PLPPR1: variants seen among roughly 807,000 people sequenced by gnomAD.
PLPPR1 encodes phospholipid phosphatase-related protein type 1.
Under a neutral mutation model 33.1 loss-of-function variants are expected in PLPPR1, and 10 were observed. That is an observed-to-expected ratio of 0.30 (90% CI 0.19 to 0.51). PLPPR1 has a LOEUF of 0.51. Among genes scored for constraint, PLPPR1 ranks in the 20% least tolerant of loss-of-function variants. The pLI, the probability that PLPPR1 is intolerant of heterozygous loss-of-function variation, is 0.97. For missense variants in PLPPR1, 304 were observed against 408.1 expected, an observed-to-expected ratio of 0.74 and a Z score of 2.20; for synonymous variants, 151 against 151.0, an observed-to-expected ratio of 1.00 and a Z score of 0.00.
chr9:101,204,796 G>C (rs1826558770), intron 2 of PLPPR1, among the ~76,000 whole-genome samples: 1 of 152,090 alleles, frequency 6.6e-6, no homozygotes, highest in Non-Finnish European at 1.5e-5. Context: ...AGAACATTTA[G>C]GTATATGAGA....
intron 1 of PLPPR1, among the ~76,000 whole-genome samples, chr9:101,168,084 A>G (rs1030151723): frequency 2.6e-5 from 4 of 152,158 alleles, no homozygotes. Flanking sequence ...ATTACGTCCC[A>G]CCAGATCCCT....
chr9:101,262,701 C>T (rs566991828), intron 2 of PLPPR1, among the ~76,000 whole-genome samples: 91 of 152,132 alleles, frequency 6.0e-4, no homozygotes, highest in African/African-American at 2.0e-3. Context: ...AGATACATGC[C>T]CATGTATGTT....
chr9:101,188,827 A>T (rs1459867627), intron 2 of PLPPR1, among the ~76,000 whole-genome samples: 1 of 152,116 alleles, frequency 6.6e-6, no homozygotes, highest in East Asian at 1.9e-4. Context: ...ACAATCAATG[A>T]CCATTCTTTG....
intron 1 of PLPPR1, among the ~76,000 whole-genome samples, chr9:101,110,292 A>G (rs969637128): frequency 1.4e-4 from 22 of 152,172 alleles, no homozygotes; most frequent in Admixed American, 9.8e-4. Flanking sequence ...AAAATAATAC[A>G]GTTTCTTAGC....
chr9:101,208,351 C>G (rs1254785600), intron 2 of PLPPR1, among the ~76,000 whole-genome samples: 1 of 152,160 alleles, frequency 6.6e-6, no homozygotes, highest in Non-Finnish European at 1.5e-5. Context: ...GTCTCTTGAA[C>G]CTGAGCATTT....
chr9:101,181,634 A>G (rs1052671300), intron 1 of PLPPR1, among the ~76,000 whole-genome samples: 4 of 133,528 alleles, frequency 3.0e-5, no homozygotes, highest in African/African-American at 6.4e-5. Context: ...GTGTGTGTGT[A>G]TGTGTATGTA....
chr9:101,183,004 A>G (rs1344638564), intron 1 of PLPPR1, among the ~76,000 whole-genome samples: 3 of 151,782 alleles, frequency 2.0e-5, no homozygotes, highest in African/African-American at 7.2e-5. Context: ...AATGTCAATG[A>G]CAGTGTGGAG....
At chr9:101,217,644 G>C (rs988924585) in intron 2 of PLPPR1, among the ~76,000 whole-genome samples, 1 of 152,198 alleles carries the variant, frequency 6.6e-6, no homozygotes, top group Non-Finnish European at 1.5e-5. Flanking sequence ...AAATGAATGA[G>C]TGTGGAAGTA....
intron 2 of PLPPR1, among the ~76,000 whole-genome samples, chr9:101,212,351 G>A (rs1333693534): frequency 1.1e-4 from 16 of 152,090 alleles, no homozygotes; most frequent in Non-Finnish European, 1.8e-4. Context: ...CCAAAGTGCT[G>A]GGATTACAGT....
chr9:101,101,535 A>AG (rs35743694), intron 1 of PLPPR1, among the ~76,000 whole-genome samples: 32,148 of 149,978 alleles, frequency 0.21, 3,612 homozygotes, highest in East Asian at 0.35. Flanking sequence ...AAAAAAAAAA[A>AG]GAAACAATAA....
intron 2 of PLPPR1, among the ~76,000 whole-genome samples, chr9:101,223,969 T>C (rs1407861382): frequency 1.3e-5 from 2 of 152,176 alleles, no homozygotes; most frequent in Non-Finnish European, 2.9e-5. Flanking sequence ...TATGTAATAA[T>C]ATGAAACCTC....
At chr9:101,112,305 T>C (rs183007869) in intron 1 of PLPPR1, among the ~76,000 whole-genome samples, 103 of 152,314 alleles carry the variant, frequency 6.8e-4, no homozygotes, top group African/African-American at 2.5e-3. Context: ...ACTCCACATA[T>C]AGAATTAAAA....
chr9:101,148,667 G>A (rs1434484283), intron 1 of PLPPR1, among the ~76,000 whole-genome samples: 1 of 152,052 alleles, frequency 6.6e-6, no homozygotes, highest in African/African-American at 2.4e-5. Flanking sequence ...AAAACACAAT[G>A]TAGGTCTTGC....
intron 1 of PLPPR1, among the ~76,000 whole-genome samples, chr9:101,120,011 G>A (rs994105283): frequency 6.6e-5 from 10 of 152,158 alleles, no homozygotes; most frequent in Non-Finnish European, 7.4e-5. Flanking sequence ...GAAGTTAGCA[G>A]GTGTTTCTAC....
intron 2 of PLPPR1, among the ~76,000 whole-genome samples, chr9:101,201,992 A>G (rs1391335010): frequency 2.0e-5 from 3 of 152,212 alleles, no homozygotes; most frequent in Non-Finnish European, 2.9e-5. Context: ...ACATAACTGA[A>G]TGAAAAGAAA....
intron 1 of PLPPR1, among the ~76,000 whole-genome samples, chr9:101,123,841 T>G (rs1213594486): frequency 1.3e-5 from 2 of 152,136 alleles, no homozygotes; most frequent in African/African-American, 4.8e-5. Context: ...GCCCTGGGCT[T>G]AGATTATAGT....
intron 4 of PLPPR1, among the ~76,000 whole-genome samples, chr9:101,290,776 A>G (rs1404116865): frequency 6.6e-5 from 10 of 152,222 alleles, no homozygotes. Context: ...TTAAAACACT[A>G]TGAATCCGAT....
chr9:101,085,220 C>T (rs1003533495), intron 1 of PLPPR1, among the ~76,000 whole-genome samples: 2 of 152,144 alleles, frequency 1.3e-5, no homozygotes, highest in Admixed American at 6.5e-5. Context: ...GCATTCATAT[C>T]CCTGGCCCCA....
intron 1 of PLPPR1, among the ~76,000 whole-genome samples, chr9:101,043,318 T>TAC (rs1012039211): frequency 6.6e-6 from 1 of 151,730 alleles, no homozygotes; most frequent in African/African-American, 2.4e-5. Context: ...TATGTGTATA[T>TAC]ACACACGTGT....
Sources: allele counts gnomAD v4.1 joint callset (sites outside exome capture counted in the v4.1 genomes callset), GRCh38; gene constraint gnomAD v4.1.1; transcripts MANE v1.5; gene names NCBI Gene and HGNC (gene_info 2026-07-23, HGNC 2026-07-21).